Variants in PRELID2 observed in about 807,000 individuals in gnomAD.
The protein encoded by PRELID2 is PRELI domain containing 2.
Under a neutral mutation model 28.4 loss-of-function variants are expected in PRELID2, and 25 were observed. That is an observed-to-expected ratio of 0.88 (90% CI 0.64 to 1.23). The LOEUF is 1.23. PRELID2 is among the 50% of genes most tolerant of loss of function. The pLI is 0.00. For synonymous variants in PRELID2, 76 were observed against 71.6 expected (o/e 1.06, Z -0.31); for missense variants, 201 against 214.4 (o/e 0.94, Z 0.39).
chr5:145,311,299 C>T, the PRELID2 span, among the ~76,000 whole-genome samples: 163 of 152,024 alleles, frequency 1.1e-3, 1 homozygote, highest in South Asian at 9.8e-3. Flanking sequence ...GGTTGATAAG[C>T]GTGACACCAG....
At chr5:145,624,779 C>T (rs1753820601) in intron 1 of PRELID2, among the ~76,000 whole-genome samples, 1 of 151,768 alleles carries the variant, frequency 6.6e-6, no homozygotes, top group Non-Finnish European at 1.5e-5. Flanking sequence ...ATCAAAAGAC[C>T]CCAGAAAGAA....
At chr5:145,314,908 T>G in the PRELID2 span, among the ~76,000 whole-genome samples, 1 of 151,960 alleles carries the variant, frequency 6.6e-6, no homozygotes, top group Non-Finnish European at 1.5e-5. Flanking sequence ...ACTATTTGGG[T>G]CTGAATTTTA....
chr5:145,505,682 G>A (rs748122737), intron 1 of PRELID2, among the ~76,000 whole-genome samples: 8 of 152,118 alleles, frequency 5.3e-5, no homozygotes, highest in Non-Finnish European at 7.4e-5. Context: ...TCAGGATCTC[G>A]AAGAGATATT....
At chr5:145,444,881 G>C in the PRELID2 span, among the ~76,000 whole-genome samples, 5 of 151,782 alleles carry the variant, frequency 3.3e-5, no homozygotes, top group African/African-American at 1.2e-4. Context: ...CTTATATCGT[G>C]GTGGGAAACA....
the PRELID2 span, among the ~76,000 whole-genome samples, chr5:145,447,050 A>AAAATAAATAAAT: frequency 0.3 from 41,765 of 139,922 alleles, 6,674 homozygotes; most frequent in African/African-American, 0.32. Context: ...ACTCCATCTC[A>AAAATAAATAAAT]AAATAAATAA....
intron 1 of PRELID2, among the ~76,000 whole-genome samples, chr5:145,701,629 C>G (rs761163697): frequency 1.3e-5 from 2 of 152,144 alleles, no homozygotes; most frequent in African/African-American, 2.4e-5. Context: ...ATGCCATCAA[C>G]AAATCACAGC....
chr5:145,650,775 C>T (rs1754282251), intron 1 of PRELID2, among the ~76,000 whole-genome samples: 1 of 151,862 alleles, frequency 6.6e-6, no homozygotes, highest in South Asian at 2.1e-4. Context: ...ATGACACAGA[C>T]TTGGTTCCAA....
chr5:145,414,386 C>G, the PRELID2 span, among the ~76,000 whole-genome samples: 2 of 152,314 alleles, frequency 1.3e-5, no homozygotes, highest in East Asian at 3.9e-4. Flanking sequence ...AGTAACCCCC[C>G]AGGCCTGCTG....
the PRELID2 span, among the ~76,000 whole-genome samples, chr5:145,385,866 T>G: frequency 6.6e-6 from 1 of 152,272 alleles, no homozygotes; most frequent in Non-Finnish European, 1.5e-5. Flanking sequence ...AAACATATTT[T>G]CTTTCACTGA....
the PRELID2 span, among the ~76,000 whole-genome samples, chr5:145,282,804 C>A: frequency 8.5e-5 from 13 of 152,148 alleles, no homozygotes; most frequent in Admixed American, 7.9e-4. Context: ...CAGGCATGAG[C>A]CACCACGCCC....
At chr5:145,722,355 A>G (rs1013600809) in intron 1 of PRELID2, among the ~76,000 whole-genome samples, 1 of 152,218 alleles carries the variant, frequency 6.6e-6, no homozygotes, top group Non-Finnish European at 1.5e-5. Flanking sequence ...GCTGGAGTGC[A>G]GTAGCACAAT....
At chr5:145,338,609 G>A in the PRELID2 span, among the ~76,000 whole-genome samples, 1 of 152,132 alleles carries the variant, frequency 6.6e-6, no homozygotes, top group East Asian at 1.9e-4. Flanking sequence ...CCTGTCATAG[G>A]TAGATATATA....
intron 1 of PRELID2, among the ~76,000 whole-genome samples, chr5:145,704,750 C>A (rs1755498415): frequency 6.6e-6 from 1 of 152,096 alleles, no homozygotes; most frequent in African/African-American, 2.4e-5. Context: ...ATGTTTCTCT[C>A]CTAGATAAAA....
intron 1 of PRELID2, among the ~76,000 whole-genome samples, chr5:145,740,915 TATATTTATCGATAAATATATATGTAC>T (rs1385089507): frequency 0.14 from 9,861 of 68,212 alleles, 1,582 homozygotes; most frequent in Non-Finnish European, 0.23. Context: ...TATATGTACA[TATATTTATCGATAAATATATATGTAC>T]ATATATTTAT....
At chr5:145,285,585 A>G in the PRELID2 span, among the ~76,000 whole-genome samples, 1 of 152,314 alleles carries the variant, frequency 6.6e-6, no homozygotes, top group Non-Finnish European at 1.5e-5. Context: ...TGTAATTAGT[A>G]AAAACAAAAT....
At chr5:145,390,942 C>T in the PRELID2 span, among the ~76,000 whole-genome samples, 1 of 152,300 alleles carries the variant, frequency 6.6e-6, no homozygotes, top group South Asian at 2.1e-4. Context: ...CAGCCTTAAA[C>T]CTTAAAGTCC....
chr5:145,350,445 G>T, the PRELID2 span, among the ~76,000 whole-genome samples: 1 of 152,100 alleles, frequency 6.6e-6, no homozygotes, highest in Non-Finnish European at 1.5e-5. Context: ...GGAGGCAGGG[G>T]CAATGTGATA....
chr5:145,385,132 A>C, the PRELID2 span, among the ~76,000 whole-genome samples: 1 of 152,190 alleles, frequency 6.6e-6, no homozygotes, highest in African/African-American at 2.4e-5. Flanking sequence ...ACTAAATTAT[A>C]CACTTATAGT....
chr5:145,344,013 A>G, the PRELID2 span, among the ~76,000 whole-genome samples: 21 of 152,182 alleles, frequency 1.4e-4, no homozygotes, highest in African/African-American at 4.8e-4. Context: ...CTGAATCAGT[A>G]ATAAGTCTCT....
Sources: gnomAD v4.1 joint callset for allele counts (sites outside exome capture counted in the v4.1 genomes callset) on GRCh38, gnomAD v4.1.1 for gene constraint, MANE v1.5 for transcripts, NCBI Gene and HGNC (gene_info 2026-07-23, HGNC 2026-07-21) for gene names.